KIAA0753: variants seen among roughly 807,000 people sequenced by gnomAD.
KIAA0753 encodes the protein protein moonraker.
KIAA0753 carries 114 observed loss-of-function variants against 116.9 expected under a neutral mutation model. The observed-to-expected ratio is 0.98, with a 90% CI of 0.84 to 1.14. The LOEUF (loss-of-function observed/expected upper bound fraction) is 1.14. KIAA0753 is among the 50% of genes most tolerant of loss of function. The pLI is 0.00. For missense variants in KIAA0753, 1,156 were observed against 1,172.4 expected, an observed-to-expected ratio of 0.99 and a Z score of 0.20; for synonymous variants, 405 against 413.1, an observed-to-expected ratio of 0.98 and a Z score of 0.24.
Position 6,620,791 on chromosome 17 carries a change from C to G in KIAA0753, c.1312G>C (p.Ala438Pro), listed in dbSNP as rs760953753. Reference protein sequence around the residue: ...SRPSVAKQLLADKYQPDTELP... With the variant: ...SRPSVAKQLLPDKYQPDTELP... ...ATAAACACTTTAAGACACATACCGG[C>G]AAGAAGCTGCTTTGCTACAGAAGGT... Residue 438 changes from alanine to proline, a missense_variant, in exon 7 of 19, where the codon GCC becomes CCC. By Grantham distance (27) the Ala-to-Pro change is conservative. Coordinates refer to ENST00000361413, the MANE Select transcript of KIAA0753 (RefSeq NM_014804.3). 1.1e-5 allele frequency: 18 copies of G among 1,613,896 alleles called. No homozygotes were observed. Among genetic ancestry groups the G allele is most frequent in the Non-Finnish European group, 1.4e-5 (17 of 1,179,914 alleles).
At chr17:6,598,238 T>A (rs1969612408) in intron 14 of KIAA0753, among the ~76,000 whole-genome samples, 1 of 152,082 alleles carries the variant, frequency 6.6e-6, no homozygotes. Flanking sequence ...AAAAAAAATA[T>A]ATCATTTAGT....
At chr17:6,624,014 A>T (rs1402915357) in intron 4 of KIAA0753, 1 of 153,262 alleles carries the variant, frequency 6.5e-6, no homozygotes, top group Admixed American at 6.5e-5. Flanking sequence ...GAACTGAAAT[A>T]GAACCCAAAA....
intron 16 of KIAA0753, among the ~76,000 whole-genome samples, chr17:6,591,056 GAAGAAGAAGAAGAAGAAGAAGAAGAAGAA>G: frequency 1.1e-5 from 1 of 92,552 alleles, no homozygotes; most frequent in Non-Finnish European, 2.3e-5. Context: ...AGAAGAAGAA[GAAGAAGAAGAAGAAGAAGAAGAAGAAGAA>G]GAAGAAGAAG....
chr17:6,612,341 C>G (rs1394369828), intron 7 of KIAA0753, among the ~76,000 whole-genome samples, 193 bp from the exon 8 acceptor site: 1 of 152,162 alleles, frequency 6.6e-6, no homozygotes, highest in Non-Finnish European at 1.5e-5. Context: ...CTAGGTGTCA[C>G]GGTTGACTCC....
At chr17:6,608,229 AT>A in intron 10 of KIAA0753, 118 bp downstream of exon 10, 1 of 460,954 alleles carries the variant, frequency 2.2e-6, no homozygotes, top group Non-Finnish European at 3.9e-6. Context: ...ATTTTTAAAA[AT>A]AATCTACATT....
At chr17:6,595,804 C>T (rs1969426375) in intron 15 of KIAA0753, among the ~76,000 whole-genome samples, 3 of 152,172 alleles carry the variant, frequency 2.0e-5, no homozygotes, top group Non-Finnish European at 2.9e-5. Context: ...CTGAACAGTA[C>T]GTACAAGCTG....
chr17:6,605,523 T>C (rs1379833467), intron 12 of KIAA0753, among the ~76,000 whole-genome samples: 3 of 152,240 alleles, frequency 2.0e-5, no homozygotes, highest in Admixed American at 6.5e-5. Flanking sequence ...GTTCAACCTG[T>C]CTTCCCCTAG....
chr17:6,624,651 G>C, intron 4 of KIAA0753, 104 bp downstream of exon 4: 1 of 697,726 alleles, frequency 1.4e-6, no homozygotes, highest in Non-Finnish European at 2.5e-6. Context: ...AACTCATATG[G>C]GATACTCTAG....
At chr17:6,623,766 G>A in intron 4 of KIAA0753, 195 bp from the exon 5 acceptor site, 1 of 640,022 alleles carries the variant, frequency 1.6e-6, no homozygotes, top group Non-Finnish European at 2.4e-6. Context: ...TAGTGAATAG[G>A]CAGTGTTCAC....
chr17:6,580,199 T>C (rs1968042739), intron 18 of KIAA0753, among the ~76,000 whole-genome samples: 1 of 151,014 alleles, frequency 6.6e-6, no homozygotes, highest in African/African-American at 2.4e-5. Context: ...ATAAATAAAA[T>C]AAAATAAAGG....
intron 14 of KIAA0753, 53 bp from the exon 15 acceptor site, chr17:6,596,396 G>A (rs1969491546): frequency 4.1e-6 from 5 of 1,226,924 alleles, no homozygotes; most frequent in East Asian, 2.4e-5. Flanking sequence ...TTAGGGGTGG[G>A]AAGGTGATAT....
Position 6,620,782 on chromosome 17 carries a change from A to G in KIAA0753, c.1315+6T>C. ...TGTCTTACAATAAACACTTTAAGAC[A>G]CATACCGGCAAGAAGCTGCTTTGCT... On this transcript the variant is annotated splice_donor_region_variant and intron_variant, in intron 7 of 18. Coordinates refer to ENST00000361413, the MANE Select transcript of KIAA0753 (RefSeq NM_014804.3). 4 of 1,613,472 alleles carry G rather than the reference A, an allele frequency of 2.5e-6. No individual in the cohort carries two copies. The highest frequency in any genetic ancestry group is 3.4e-6 in the Non-Finnish European group (4 of 1,179,380).
At chr17:6,611,528 C>T (rs1184534960) in intron 8 of KIAA0753, among the ~76,000 whole-genome samples, 1 of 152,032 alleles carries the variant, frequency 6.6e-6, no homozygotes, top group Non-Finnish European at 1.5e-5. Flanking sequence ...AAACTCCTGG[C>T]CTCAAGCAAT....
chr17:6,624,802 C>A lies in KIAA0753; in HGVS notation c.778G>T (p.Glu260Ter), dbSNP rs531022704. ...EERRIRIRRQ[E>*]QAARSARMLY... ...ATTCGGGCAGAGCGAGCAGCTTGCT[C>A]CTGTCTCCTGATACGGATTCGACGT... The change falls in exon 4 of 19, where the codon GAG becomes TAG. Residue 260 changes from glutamate (E) to a stop codon, truncating the protein, a stop_gained. Transcript: ENST00000361413. LOFTEE classifies it high-confidence loss of function. 7.7e-6 allele frequency: 12 copies of A among 1,564,292 alleles called. No individual in the cohort carries two copies. In the East Asian group the frequency reaches 2.8e-4, roughly 37 times the overall value.
intron 15 of KIAA0753, among the ~76,000 whole-genome samples, chr17:6,595,321 G>A (rs1156523714): frequency 6.6e-6 from 1 of 152,298 alleles, no homozygotes; most frequent in East Asian, 1.9e-4. Context: ...GTCCAATACA[G>A]TAGCCACTAA....
rs1248231521 is a variant in KIAA0753 at position 6,639,272 on chromosome 17, T to A, written c.-69+1365A>T. 1 of 151,568 alleles carries A rather than the reference T, an allele frequency of 6.6e-6. No individual in the cohort carries two copies. The highest frequency in any genetic ancestry group is 1.5e-5 in the Non-Finnish European group (1 of 68,186). 9.4% of individuals were successfully genotyped at this position (151,568 alleles called of 1,614,324 possible). A position where few individuals can be genotyped will look rare whatever the true frequency, so the allele number is the denominator to read the frequency against. On this transcript the variant is annotated intron_variant, in intron 1 of 18. Coordinates refer to ENST00000361413, the MANE Select transcript of KIAA0753 (RefSeq NM_014804.3). This position sits in a 1 kb window ranked among gnomAD's most constrained non-coding sequence, Gnocchi z 4.3. ...GCTTCATGTGTCAGAGCCCCAGGAA[T>A]CTGCGGGGACTGTCCTCTCCCCCAC...
At chr17:6,610,352 G>T (rs1036797764) in intron 8 of KIAA0753, among the ~76,000 whole-genome samples, 192 bp from the exon 9 acceptor site, 5 of 151,032 alleles carry the variant, frequency 3.3e-5, no homozygotes, top group Admixed American at 3.3e-4. Context: ...GTAGGGGCGG[G>T]GGGTGGAGGG....
chr17:6,632,706 G>T (rs1972083006), intron 2 of KIAA0753, among the ~76,000 whole-genome samples: 1 of 152,194 alleles, frequency 6.6e-6, no homozygotes, highest in African/African-American at 2.4e-5. Context: ...GACTAAATTG[G>T]CAGCATGTAC....
intron 4 of KIAA0753, among the ~76,000 whole-genome samples, 183 bp downstream of exon 4, chr17:6,624,572 G>T: frequency 1.1e-5 from 1 of 90,700 alleles, no homozygotes. Flanking sequence ...ACACACACAC[G>T]CAGATTACAA....
Sources: allele counts gnomAD v4.1 joint callset (sites outside exome capture counted in the v4.1 genomes callset), GRCh38; gene constraint gnomAD v4.1.1; non-coding constraint Gnocchi (gnomAD v3.1); transcripts MANE v1.5; gene names NCBI Gene and HGNC (gene_info 2026-07-23, HGNC 2026-07-21).